ABCA13: variants seen among roughly 807,000 people sequenced by gnomAD.
ABCA13 encodes ATP binding cassette subfamily A member 13, also known as ATP-binding cassette sub-family A member 13.
ABCA13 carries 476 observed loss-of-function variants against 478.7 expected under a neutral mutation model. The ratio of observed to expected loss-of-function variants is 0.99; its 90% CI spans 0.92 to 1.07. The LOEUF is 1.07. ABCA13 is among the 50% of genes least tolerant of loss of function. ABCA13 has a pLI of 0.00. For missense variants in ABCA13, 6,060 were observed against 5,910.6 expected, an observed-to-expected ratio of 1.03 and a Z score of -0.83; for synonymous variants, 2,252 against 2,158.9, an observed-to-expected ratio of 1.04 and a Z score of -1.20.
intron 45 of ABCA13, among the ~76,000 whole-genome samples, chr7:48,478,330 G>A (rs188550409): frequency 7.0e-6 from 1 of 143,332 alleles, no homozygotes; most frequent in African/African-American, 2.6e-5. Flanking sequence ...CACCCATTAT[G>A]GAAAGGCTAA....
intron 32 of ABCA13, among the ~76,000 whole-genome samples, chr7:48,371,071 C>T (rs147597164): frequency 0.022 from 3,334 of 152,102 alleles, 125 homozygotes; most frequent in African/African-American, 0.075. Context: ...TCAGGTTTGT[C>T]GAAGATCAGA....
At chr7:48,431,034 G>T (rs984283430) in intron 42 of ABCA13, among the ~76,000 whole-genome samples, 1 of 151,864 alleles carries the variant, frequency 6.6e-6, no homozygotes, top group African/African-American at 2.4e-5. Context: ...TTGATATGTT[G>T]TATCTTCATT....
At chr7:48,437,824 C>G (rs757707313) in intron 42 of ABCA13, among the ~76,000 whole-genome samples, 52 of 152,164 alleles carry the variant, frequency 3.4e-4, no homozygotes, top group Middle Eastern at 6.8e-3. Flanking sequence ...TAGTTATTTT[C>G]TGGGCATGTA....
At chr7:48,446,285 C>T (rs1276060866) in intron 42 of ABCA13, among the ~76,000 whole-genome samples, 1 of 150,716 alleles carries the variant, frequency 6.6e-6, no homozygotes, top group Non-Finnish European at 1.5e-5. Flanking sequence ...GTTAGAGTAT[C>T]TTTAAGCTCA....
chr7:48,350,944 A>G, intron 30 of ABCA13, 125 bp downstream of exon 30: 1 of 1,014,388 alleles, frequency 9.9e-7, no homozygotes, highest in Non-Finnish European at 1.4e-6. Context: ...TCCAGATAAA[A>G]CATAAAATAA....
At chr7:48,287,800 G>A (rs1244825052) in intron 19 of ABCA13, among the ~76,000 whole-genome samples, 160 bp from the exon 20 acceptor site, 1 of 152,172 alleles carries the variant, frequency 6.6e-6, no homozygotes, top group Non-Finnish European at 1.5e-5. Flanking sequence ...GAACTCAAAA[G>A]GCACAGCTTT....
chr7:48,632,412 A>G (rs1237138264), intron 59 of ABCA13, among the ~76,000 whole-genome samples: 1 of 152,118 alleles, frequency 6.6e-6, no homozygotes, highest in Non-Finnish European at 1.5e-5. Flanking sequence ...AACATGTTTA[A>G]TTTTGATGAT....
intron 26 of ABCA13, 133 bp from the exon 27 acceptor site, chr7:48,317,024 A>C: frequency 9.2e-7 from 1 of 1,091,246 alleles, no homozygotes; most frequent in East Asian, 2.6e-5. Context: ...GCACTCCCAA[A>C]GTTCAGAGTG....
intron 27 of ABCA13, among the ~76,000 whole-genome samples, chr7:48,335,001 C>A (rs758088292): frequency 5.9e-5 from 9 of 152,076 alleles, no homozygotes; most frequent in Non-Finnish European, 1.0e-4. Context: ...GTGTACTCTG[C>A]CAGTAGCAAT....
At chr7:48,269,539 C>T (rs1002031344) in intron 16 of ABCA13, among the ~76,000 whole-genome samples, 3 of 152,094 alleles carry the variant, frequency 2.0e-5, no homozygotes, top group South Asian at 2.1e-4. Flanking sequence ...TATTTCAGCA[C>T]GTGTATTGAA....
intron 38 of ABCA13, among the ~76,000 whole-genome samples, chr7:48,395,216 G>T (rs1816676451): frequency 1.3e-5 from 2 of 152,160 alleles, no homozygotes; most frequent in Admixed American, 1.3e-4. Context: ...TCTAATGATG[G>T]TTCACACACT....
intron 7 of ABCA13, among the ~76,000 whole-genome samples, chr7:48,232,789 A>G (rs982926110): frequency 1.3e-5 from 2 of 152,204 alleles, no homozygotes; most frequent in Non-Finnish European, 2.9e-5. Context: ...TCTGTGAGTA[A>G]TTCTAATACC....
chr7:48,336,112 G>A (rs537775469), intron 28 of ABCA13, among the ~76,000 whole-genome samples: 4 of 152,160 alleles, frequency 2.6e-5, no homozygotes, highest in Non-Finnish European at 5.9e-5. Context: ...TATGGACTCA[G>A]GAGCTAGAAT....
chr7:48,473,444 T>A (rs1827734059), intron 45 of ABCA13, among the ~76,000 whole-genome samples: 1 of 152,206 alleles, frequency 6.6e-6, no homozygotes. Flanking sequence ...CCCATCTATG[T>A]TTGCAGCCCG....
chr7:48,408,143 A>G (rs2129084604), intron 39 of ABCA13, among the ~76,000 whole-genome samples: 1 of 152,340 alleles, frequency 6.6e-6, no homozygotes, highest in South Asian at 2.1e-4. Context: ...TACTAACTGT[A>G]GTCACCATGC....
chr7:48,277,231 C>A (rs1393122159), intron 17 of ABCA13, among the ~76,000 whole-genome samples: 1 of 152,122 alleles, frequency 6.6e-6, no homozygotes, highest in African/African-American at 2.4e-5. Context: ...AAGGGAGGCC[C>A]ACAGTAGGCA....
chr7:48,563,281 A>G (rs1420434169), intron 55 of ABCA13, among the ~76,000 whole-genome samples: 1 of 152,056 alleles, frequency 6.6e-6, no homozygotes, highest in Admixed American at 6.6e-5. Flanking sequence ...ATTCTTTCCA[A>G]TTTCTAAATA....
At chr7:48,546,337 A>T (rs1179703709) in intron 55 of ABCA13, among the ~76,000 whole-genome samples, 2 of 151,896 alleles carry the variant, frequency 1.3e-5, no homozygotes, top group Non-Finnish European at 2.9e-5. Flanking sequence ...GCAGTGATGA[A>T]TTAGACCAAA....
rs550492830 is a variant in ABCA13 at position 48,631,088 on chromosome 7, C to T, written c.14838-12200C>T. Among the ~76,000 whole-genome samples, 11 of 152,008 alleles carry T rather than the reference C, an allele frequency of 7.2e-5. 1 individual carries two copies. Among genetic ancestry groups the T allele is most frequent in the Admixed American group, 5.9e-4 (9 of 15,250 alleles). On this transcript the variant is annotated intron_variant, in intron 59 of 61. Transcript: ENST00000435803. The stretch of plus-strand genomic sequence containing the variant: ...TGCATAGTTTGGAAATATTTTCTCT[C>T]ATTCTGTGGGTTGTCTTTTTATTTT...
Sources: gnomAD v4.1 joint callset for allele counts (sites outside exome capture counted in the v4.1 genomes callset) on GRCh38, gnomAD v4.1.1 for gene constraint, MANE v1.5 for transcripts, NCBI Gene and HGNC (gene_info 2026-07-23, HGNC 2026-07-21) for gene names.